ST3GAL3: variants seen among roughly 807,000 people sequenced by gnomAD.
The protein encoded by ST3GAL3 is CMP-N-acetylneuraminate-beta-1,4-galactoside alpha-2,3-sialyltransferase.
A neutral mutation model predicts 50.1 loss-of-function variants in ST3GAL3; 21 were observed. That is an observed-to-expected ratio of 0.42 (90% confidence interval 0.30 to 0.60). The LOEUF (loss-of-function observed/expected upper bound fraction) is 0.60. Ranked by LOEUF, ST3GAL3 falls within the 20% of genes least tolerant of loss-of-function variation. The probability of loss-of-function intolerance (pLI) is 0.19; values close to 1 mark genes in which losing one functional copy is unlikely to be tolerated. For missense variants in ST3GAL3, 353 were observed against 489.4 expected (o/e 0.72, Z 2.63); for synonymous variants, 183 against 190.0 (o/e 0.96, Z 0.30).
intron 3 of ST3GAL3, among the ~76,000 whole-genome samples, chr1:43,814,352 C>T (rs1255180053): frequency 6.6e-6 from 1 of 152,170 alleles, no homozygotes; most frequent in Non-Finnish European, 1.5e-5. Context: ...TGATTGATCA[C>T]TTGTTAGAAG....
intron 2 of ST3GAL3, among the ~76,000 whole-genome samples, chr1:43,762,008 G>T (rs1164557820): frequency 1.4e-5 from 2 of 146,380 alleles, no homozygotes; most frequent in East Asian, 4.0e-4. Flanking sequence ...GCTCATACCT[G>T]CAATCCCAGC....
At chr1:43,774,672 T>A (rs1696519174) in intron 2 of ST3GAL3, among the ~76,000 whole-genome samples, 1 of 152,224 alleles carries the variant, frequency 6.6e-6, no homozygotes, top group Non-Finnish European at 1.5e-5. Context: ...TGTGTAGAAT[T>A]TGGTCATCCT....
chr1:43,715,565 G>A (rs1384488825), intron 1 of ST3GAL3, among the ~76,000 whole-genome samples: 9 of 146,796 alleles, frequency 6.1e-5, no homozygotes, highest in Admixed American at 2.1e-4. Context: ...GACAGAGTGA[G>A]ACTCTGTCTA....
intron 11 of ST3GAL3, among the ~76,000 whole-genome samples, chr1:43,923,784 T>G (rs896518448): frequency 6.6e-6 from 1 of 152,070 alleles, no homozygotes; most frequent in Non-Finnish European, 1.5e-5. Flanking sequence ...TGGCTAATTT[T>G]TTTTATTTTT....
chr1:43,783,029 T>C (rs1699861545), intron 2 of ST3GAL3, among the ~76,000 whole-genome samples: 1 of 151,356 alleles, frequency 6.6e-6, no homozygotes, highest in South Asian at 2.1e-4. Context: ...CTGAACACTT[T>C]GGGATTCTAA....
At chr1:43,726,015 G>A (rs1203615286) in intron 1 of ST3GAL3, among the ~76,000 whole-genome samples, 1 of 152,042 alleles carries the variant, frequency 6.6e-6, no homozygotes, top group Non-Finnish European at 1.5e-5. Context: ...ATTTTTTTAA[G>A]TTTATGCAGC....
At chr1:43,919,065 G>GTTTT (rs1427373785) in intron 9 of ST3GAL3, 111 of 48,938 alleles carry the variant, frequency 2.3e-3, no homozygotes, top group South Asian at 3.9e-3. Context: ...TCCTTTCTTT[G>GTTTT]TTTCTTTTTT....
intron 1 of ST3GAL3, among the ~76,000 whole-genome samples, chr1:43,713,619 C>T (rs1665862000): frequency 6.7e-6 from 1 of 150,148 alleles, no homozygotes; most frequent in Non-Finnish European, 1.5e-5. Flanking sequence ...CAGCCTCAAC[C>T]TCCCAGGCTC....
chr1:43,735,576 C>T (rs1678045954), intron 1 of ST3GAL3, among the ~76,000 whole-genome samples: 1 of 152,194 alleles, frequency 6.6e-6, no homozygotes, highest in Non-Finnish European at 1.5e-5. Flanking sequence ...CCTGAGTGAG[C>T]ATGGAAGTGG....
intron 5 of ST3GAL3, among the ~76,000 whole-genome samples, chr1:43,889,617 G>T (rs1466446180): frequency 6.6e-6 from 1 of 152,170 alleles, no homozygotes; most frequent in African/African-American, 2.4e-5. Context: ...AGTAATGGTA[G>T]TGTTAGTAGT....
chr1:43,791,294 C>T (rs1305100356), intron 2 of ST3GAL3, among the ~76,000 whole-genome samples: 1 of 151,944 alleles, frequency 6.6e-6, no homozygotes, highest in African/African-American at 2.4e-5. Context: ...ATTTTTTTCT[C>T]CTAGACTGAT....
At chr1:43,845,252 G>A (rs1260424031) in intron 5 of ST3GAL3, among the ~76,000 whole-genome samples, 1 of 152,054 alleles carries the variant, frequency 6.6e-6, no homozygotes, top group African/African-American at 2.4e-5. Flanking sequence ...CAAAGTGCTG[G>A]AATTACAGAT....
intron 6 of ST3GAL3, among the ~76,000 whole-genome samples, chr1:43,897,521 A>C (rs2077563225): frequency 6.6e-6 from 1 of 152,200 alleles, no homozygotes; most frequent in Non-Finnish European, 1.5e-5. Context: ...AGAGTTTGGA[A>C]GAGCAGTCCT....
At chr1:43,859,883 A>G (rs2154229395) in intron 5 of ST3GAL3, among the ~76,000 whole-genome samples, 1 of 152,270 alleles carries the variant, frequency 6.6e-6, no homozygotes, top group East Asian at 1.9e-4. Context: ...CCCCGTCTCC[A>G]TCACCCATCC....
chr1:43,838,729 T>A (rs2064858637), intron 5 of ST3GAL3: 1 of 277,402 alleles, frequency 3.6e-6, no homozygotes. Context: ...GAGAAATTTC[T>A]GAGGCTGTCT....
intron 5 of ST3GAL3, among the ~76,000 whole-genome samples, chr1:43,860,598 T>C (rs934376150): frequency 6.6e-6 from 1 of 152,190 alleles, no homozygotes; most frequent in Non-Finnish European, 1.5e-5. Context: ...CATCAGGTAC[T>C]CCACAGAGGA....
At chr1:43,920,970 G>T (rs3764833) in intron 11 of ST3GAL3, 42 bp downstream of exon 11, 2 of 1,563,668 alleles carry the variant, frequency 1.3e-6, no homozygotes, top group South Asian at 1.2e-5. Context: ...GTGGGGATGA[G>T]GGGGAGGTGC....
chr1:43,829,277 A>C (rs1190942407), intron 4 of ST3GAL3, among the ~76,000 whole-genome samples: 1 of 152,238 alleles, frequency 6.6e-6, no homozygotes, highest in Admixed American at 6.5e-5. Context: ...GAAGAATAAT[A>C]CCTATCATAT....
chr1:43,794,648 C>G (rs1205468686), intron 3 of ST3GAL3, among the ~76,000 whole-genome samples: 1 of 152,056 alleles, frequency 6.6e-6, no homozygotes, highest in Non-Finnish European at 1.5e-5. Context: ...GAACATTGTT[C>G]ATAATTGTCA....
Sources: gnomAD v4.1 joint callset for allele counts (sites outside exome capture counted in the v4.1 genomes callset) on GRCh38, gnomAD v4.1.1 for gene constraint, MANE v1.5 for transcripts, NCBI Gene and HGNC (gene_info 2026-07-23, HGNC 2026-07-21) for gene names.